Variants in PTPRE observed in about 807,000 individuals in gnomAD.
The protein encoded by PTPRE is receptor-type tyrosine-protein phosphatase epsilon.
A neutral mutation model predicts 102.0 loss-of-function variants in PTPRE; 51 were observed. The ratio of observed to expected loss-of-function variants is 0.50; its 90% CI spans 0.40 to 0.63. The LOEUF (loss-of-function observed/expected upper bound fraction) is 0.63, where lower values mean the gene tolerates loss of function less well. PTPRE is among the 30% of genes least tolerant of loss of function. PTPRE has a pLI of 0.00. For missense variants in PTPRE, 752 were observed against 915.1 expected, an observed-to-expected ratio of 0.82 and a Z score of 2.30; for synonymous variants, 345 against 348.2, an observed-to-expected ratio of 0.99 and a Z score of 0.10.
intron 2 of PTPRE, among the ~76,000 whole-genome samples, chr10:127,985,440 G>A (rs554079361): frequency 1.3e-5 from 2 of 152,164 alleles, no homozygotes; most frequent in East Asian, 1.9e-4. Context: ...AAAATTAGCC[G>A]GGTGGTAGTG....
rs114569714 is a variant in PTPRE, at chr10:128,002,024, C to T, written c.-8+19728C>T. Among the ~76,000 whole-genome samples, 444 of 152,282 alleles carry T rather than the reference C, an allele frequency of 2.9e-3. 4 individuals carry two copies. The highest frequency in any genetic ancestry group is 0.01 in the African/African-American group (432 of 41,562). ...GGCTGGAGGGCTGTTCTGTCGCTGG[C>T]TCTGCTCGTACTTGGTAGAGCACAG... is the stretch of plus-strand genomic sequence containing the variant. On this transcript the variant is annotated intron_variant, in intron 2 of 20. Transcript: ENST00000254667.
At chr10:127,968,918 A>T (rs1034491161) in intron 1 of PTPRE, among the ~76,000 whole-genome samples, 2 of 152,246 alleles carry the variant, frequency 1.3e-5, no homozygotes, top group Non-Finnish European at 1.5e-5. Flanking sequence ...ACAATGGCTT[A>T]TATTGTTCTA....
chr10:128,031,223 CAGA>C (rs1846728587), intron 2 of PTPRE, among the ~76,000 whole-genome samples: 1 of 152,252 alleles, frequency 6.6e-6, no homozygotes, highest in Non-Finnish European at 1.5e-5. Context: ...AACCTACCCA[CAGA>C]AGTTTAGTCC....
At chr10:128,042,247 A>G (rs1190321939) in intron 3 of PTPRE, among the ~76,000 whole-genome samples, 1 of 152,194 alleles carries the variant, frequency 6.6e-6, no homozygotes. Context: ...CAGGAGCCAC[A>G]ATGGCAGAAC....
intron 2 of PTPRE, among the ~76,000 whole-genome samples, chr10:127,986,812 G>A (rs1181759643): frequency 1.3e-5 from 2 of 152,246 alleles, no homozygotes; most frequent in East Asian, 1.9e-4. Flanking sequence ...TTTCCAGCAG[G>A]GCAGGAGCTA....
chr10:128,078,386 T>C (rs7080285), intron 19 of PTPRE, among the ~76,000 whole-genome samples: 104,179 of 152,230 alleles, frequency 0.68, 35,985 homozygotes, highest in African/African-American at 0.78. Flanking sequence ...TCAAGCCCAC[T>C]GGCCACCCAC....
chr10:128,069,599 C>G, intron 12 of PTPRE, 93 bp from the exon 13 acceptor site: 1 of 1,534,328 alleles, frequency 6.5e-7, no homozygotes, highest in Non-Finnish European at 8.8e-7. Context: ...AAAGTTGCAT[C>G]CAGTGACCTG....
intron 9 of PTPRE, among the ~76,000 whole-genome samples, chr10:128,062,762 G>A (rs980099240): frequency 4.6e-5 from 7 of 152,210 alleles, no homozygotes; most frequent in East Asian, 1.9e-4. Context: ...TCTGCCTCTC[G>A]CAAGGCTTTC....
intron 1 of PTPRE, among the ~76,000 whole-genome samples, chr10:127,936,471 G>A (rs553754698): frequency 1.3e-5 from 2 of 152,282 alleles, no homozygotes; most frequent in South Asian, 2.1e-4. Context: ...TGCCTGGACC[G>A]CTGGTCCTTG....
intron 2 of PTPRE, among the ~76,000 whole-genome samples, chr10:128,006,427 G>A (rs1022021614): frequency 5.3e-5 from 8 of 152,244 alleles, no homozygotes; most frequent in Non-Finnish European, 1.2e-4. Flanking sequence ...ACGTTGACTT[G>A]AAAATCATTG....
chr10:127,971,527 G>A lies in PTPRE; in HGVS notation c.-30-10747G>A, dbSNP rs1226270276. 2.0e-5 allele frequency among the ~76,000 whole-genome samples: 3 copies of A among 152,192 alleles called. No individual in the cohort carries two copies. The South Asian group carries it at 6.2e-4, about 32-fold the overall frequency. On this transcript the variant is annotated intron_variant, in intron 1 of 20. Transcript: ENST00000254667. ...CTGAGGTGCGAGAGCCCCATGCATGGTGCCCTGGCCTTGCTGTCCTCGCAG... is the reference window on the plus strand; with the variant it reads ...CTGAGGTGCGAGAGCCCCATGCATGATGCCCTGGCCTTGCTGTCCTCGCAG...
chr10:128,006,032 C>T (rs1589980956), intron 2 of PTPRE, among the ~76,000 whole-genome samples: 1 of 152,212 alleles, frequency 6.6e-6, no homozygotes, highest in Non-Finnish European at 1.5e-5. Flanking sequence ...GATTAGGGTC[C>T]ACCCTAATCC....
chr10:128,075,394 T>C (rs1378898532), intron 17 of PTPRE, among the ~76,000 whole-genome samples: 2 of 152,208 alleles, frequency 1.3e-5, no homozygotes, highest in African/African-American at 4.8e-5. Context: ...ATCTAGGTTT[T>C]AAGCCCTGTA....
chr10:127,986,383 T>G (rs1348309739), intron 2 of PTPRE, among the ~76,000 whole-genome samples: 1 of 152,250 alleles, frequency 6.6e-6, no homozygotes, highest in Non-Finnish European at 1.5e-5. Context: ...CGTTAAGGTT[T>G]AAATATTTTC....
intron 2 of PTPRE, chr10:127,999,599 G>A: frequency 2.0e-6 from 2 of 985,484 alleles, no homozygotes; most frequent in Non-Finnish European, 1.2e-6. Flanking sequence ...GTTCTCAGCA[G>A]CTACACTGGA....
rs1453733332 is a variant in PTPRE, at chr10:128,066,275, T to C, written c.843+81T>C. 5 of 1,567,334 alleles carry C rather than the reference T, an allele frequency of 3.2e-6. No homozygotes were observed. The Admixed American group carries it at 8.7e-5, about 27-fold the overall frequency. ...CCCAGAGTTAACATCCTTCTGCATT[T>C]ATGAAGTGCTTTGCTCCCAGCCCGG... On this transcript the variant is annotated intron_variant, in intron 11 of 20. Coordinates refer to ENST00000254667, the MANE Select transcript of PTPRE (RefSeq NM_006504.6).
chr10:128,069,825 G>A lies in PTPRE; in HGVS notation c.1141G>A (p.Asp381Asn). ...RNQRPQMVQT[D>N]MQYTFIYQAL... ...TCAGCGCCCTCAGATGGTTCAAACGGATGTGAGTCATGCCTTCCTCTTGCC... is the reference window on the plus strand; with the variant it reads ...TCAGCGCCCTCAGATGGTTCAAACGAATGTGAGTCATGCCTTCCTCTTGCC... The change falls in exon 13 of 21, where the codon GAT (aspartate) becomes AAT (asparagine). Residue 381 changes from aspartate (D) to asparagine (N), a missense_variant and splice_region_variant. By Grantham distance (23) the Asp-to-Asn change is conservative. Around this residue, in one of 2 missense-constraint regions of PTPRE, gnomAD observed 636 missense variants for 824.4 expected, o/e 0.77. Coordinates refer to ENST00000254667, the MANE Select transcript of PTPRE (RefSeq NM_006504.6). 6.2e-7 allele frequency: 1 copy of A among 1,614,256 alleles called. No individual in the cohort carries two copies. The highest frequency in any genetic ancestry group is 8.5e-7 in the Non-Finnish European group (1 of 1,180,046).
chr10:128,067,347 T>A (rs1005599167), intron 11 of PTPRE, among the ~76,000 whole-genome samples: 2 of 92,188 alleles, frequency 2.2e-5, no homozygotes, highest in Non-Finnish European at 4.4e-5. Flanking sequence ...TCCACACACA[T>A]TCACACACGC....
intron 2 of PTPRE, among the ~76,000 whole-genome samples, chr10:128,014,701 C>A (rs904596393): frequency 6.6e-6 from 1 of 152,110 alleles, no homozygotes; most frequent in East Asian, 1.9e-4. Context: ...AAAAAATCAG[C>A]AATCCCCCAT....
Sources: allele counts gnomAD v4.1 joint callset (sites outside exome capture counted in the v4.1 genomes callset), GRCh38; gene constraint gnomAD v4.1.1; regional missense constraint gnomAD v4.1.1; transcripts MANE v1.5; gene names NCBI Gene and HGNC (gene_info 2026-07-23, HGNC 2026-07-21).